The following CDH20 variants were observed in gnomAD, a reference collection of about 807,000 sequenced individuals.
CDH20 encodes cadherin 20, also known as cadherin-20.
A neutral mutation model predicts 74.2 loss-of-function variants in CDH20; 29 were observed. The ratio of observed to expected loss-of-function variants is 0.39; its 90% confidence interval spans 0.29 to 0.53. CDH20 has a LOEUF of 0.53. Among genes scored for constraint, CDH20 ranks in the 20% least tolerant of loss-of-function variants. CDH20 has a pLI of 0.69. For missense variants in CDH20, 988 were observed against 1,048.3 expected, an observed-to-expected ratio of 0.94 and a Z score of 0.79; for synonymous variants, 469 against 405.4, an observed-to-expected ratio of 1.16 and a Z score of -1.88.
intron 1 of CDH20, among the ~76,000 whole-genome samples, chr18:61,479,149 T>C (rs942421065): frequency 3.3e-5 from 5 of 152,102 alleles, no homozygotes; most frequent in African/African-American, 1.2e-4. Flanking sequence ...TTTTGCTTAT[T>C]TGAATATGTT....
At chr18:61,524,191 A>T (rs893708499) in intron 6 of CDH20, among the ~76,000 whole-genome samples, 7 of 152,188 alleles carry the variant, frequency 4.6e-5, no homozygotes, top group Non-Finnish European at 2.9e-5. Flanking sequence ...CCTCAAGAAG[A>T]CATAGAAAGA....
chr18:61,354,098 T>C (rs773761852), intron 1 of CDH20, among the ~76,000 whole-genome samples: 15 of 151,726 alleles, frequency 9.9e-5, no homozygotes, highest in Non-Finnish European at 2.2e-4. Context: ...AGTTTCTCCA[T>C]CTCATGAGCC....
intron 1 of CDH20, among the ~76,000 whole-genome samples, chr18:61,448,707 T>C (rs1909281024): frequency 6.6e-6 from 1 of 152,208 alleles, no homozygotes; most frequent in African/African-American, 2.4e-5. Context: ...TATTCTGTCC[T>C]AATCATCACC....
chr18:61,543,064 T>C (rs982047472), intron 9 of CDH20, among the ~76,000 whole-genome samples: 4 of 152,106 alleles, frequency 2.6e-5, no homozygotes, highest in Admixed American at 2.6e-4. Context: ...CTCTCTGCAA[T>C]TGGCAATCCC....
chr18:61,381,499 C>A (rs1911431096), intron 1 of CDH20, among the ~76,000 whole-genome samples: 1 of 152,176 alleles, frequency 6.6e-6, no homozygotes, highest in African/African-American at 2.4e-5. Flanking sequence ...TCCTATCCTA[C>A]CTGCCTTCTT....
chr18:61,470,874 C>G (rs550231026), intron 1 of CDH20, among the ~76,000 whole-genome samples: 1 of 151,758 alleles, frequency 6.6e-6, no homozygotes, highest in Non-Finnish European at 1.5e-5. Context: ...TCTATCTTCT[C>G]CTCTTTCTCT....
intron 1 of CDH20, among the ~76,000 whole-genome samples, chr18:61,364,693 A>G (rs1910804571): frequency 6.6e-6 from 1 of 152,136 alleles, no homozygotes; most frequent in African/African-American, 2.4e-5. Context: ...CTCTCCTGCC[A>G]TGTGATCTCT....
chr18:61,345,934 C>T (rs1307045347), intron 1 of CDH20, among the ~76,000 whole-genome samples: 2 of 152,126 alleles, frequency 1.3e-5, no homozygotes, highest in Non-Finnish European at 1.5e-5. Flanking sequence ...AACTTAAGAC[C>T]AGACGGATCC....
chr18:61,371,318 C>CA, intron 1 of CDH20, among the ~76,000 whole-genome samples: 1 of 152,052 alleles, frequency 6.6e-6, no homozygotes, highest in South Asian at 2.1e-4. Context: ...TCCTACTGAA[C>CA]AAAAAATTAA....
intron 1 of CDH20, among the ~76,000 whole-genome samples, chr18:61,380,787 C>T (rs934908214): frequency 6.6e-6 from 1 of 151,940 alleles, no homozygotes; most frequent in Non-Finnish European, 1.5e-5. Context: ...CCAGCCTGGA[C>T]AACAAGAGCG....
chr18:61,512,592 C>A (rs897792739), intron 6 of CDH20, among the ~76,000 whole-genome samples: 1 of 152,150 alleles, frequency 6.6e-6, no homozygotes, highest in Non-Finnish European at 1.5e-5. Flanking sequence ...CACTCCATGC[C>A]GCTGTTTCCA....
chr18:61,498,799 C>T (rs181044094), intron 2 of CDH20, among the ~76,000 whole-genome samples: 20 of 152,290 alleles, frequency 1.3e-4, no homozygotes, highest in East Asian at 9.6e-4. Context: ...CATTTTAACA[C>T]GTTTAGGCTT....
chr18:61,524,518 A>G (rs900349817), intron 6 of CDH20, among the ~76,000 whole-genome samples: 7 of 152,188 alleles, frequency 4.6e-5, no homozygotes, highest in African/African-American at 7.2e-5. Context: ...AGGTTTACTC[A>G]TAACCGTCAG....
intron 6 of CDH20, among the ~76,000 whole-genome samples, chr18:61,517,263 G>C (rs767752801): frequency 2.2e-4 from 33 of 152,286 alleles, no homozygotes; most frequent in Non-Finnish European, 4.4e-4. Flanking sequence ...TCAAAGTTAA[G>C]AGTTTCTGCT....
chr18:61,528,852 A>G (rs550570458), intron 7 of CDH20, among the ~76,000 whole-genome samples: 1 of 152,338 alleles, frequency 6.6e-6, no homozygotes, highest in Non-Finnish European at 1.5e-5. Flanking sequence ...GGAAAACAAT[A>G]TATACTACAT....
chr18:61,554,106 C>T (rs1913532472), intron 11 of CDH20, 84 bp from the exon 12 acceptor site: 4 of 1,498,352 alleles, frequency 2.7e-6, no homozygotes, highest in Non-Finnish European at 3.6e-6. Context: ...TTCCCCTATC[C>T]GTGGTGAATC....
At chr18:61,339,561 G>C (rs1199767608) in intron 1 of CDH20, among the ~76,000 whole-genome samples, 2 of 151,812 alleles carry the variant, frequency 1.3e-5, no homozygotes, top group East Asian at 3.9e-4. Flanking sequence ...ATTAAGTGCT[G>C]AGTCTTAGAC....
intron 10 of CDH20, among the ~76,000 whole-genome samples, chr18:61,545,761 A>G (rs123577): frequency 0.95 from 144,433 of 152,266 alleles, 68,787 homozygotes; most frequent in Non-Finnish European, 0.99. Context: ...GATAACAAAG[A>G]GCAAATACAG....
chr18:61,452,843 T>C (rs1437966404), intron 1 of CDH20, among the ~76,000 whole-genome samples: 1 of 152,218 alleles, frequency 6.6e-6, no homozygotes, highest in Non-Finnish European at 1.5e-5. Context: ...TCCTATTTGA[T>C]ATTTTTATTG....
Sources: allele counts gnomAD v4.1 joint callset (sites outside exome capture counted in the v4.1 genomes callset), GRCh38; gene constraint gnomAD v4.1.1; transcripts MANE v1.5; gene names NCBI Gene and HGNC (gene_info 2026-07-23, HGNC 2026-07-21).